GPBP1: variants seen among roughly 807,000 people sequenced by gnomAD.
GPBP1 encodes vasculin.
A neutral mutation model predicts 56.5 loss-of-function variants in GPBP1; 13 were observed. That is an observed-to-expected ratio of 0.23 (90% CI 0.15 to 0.37). The LOEUF (loss-of-function observed/expected upper bound fraction) is 0.37, where lower values mean the gene tolerates loss of function less well. Among genes scored for constraint, GPBP1 ranks in the 10% least tolerant of loss-of-function variants. The probability of loss-of-function intolerance (pLI) is 1.00; values close to 1 mark genes in which losing one functional copy is unlikely to be tolerated. For synonymous variants in GPBP1, 204 were observed against 188.9 expected, an observed-to-expected ratio of 1.08 and a Z score of -0.66; for missense variants, 477 against 572.3, an observed-to-expected ratio of 0.83 and a Z score of 1.70.
At chr5:57,226,641 C>T (rs1023846955) in intron 3 of GPBP1, among the ~76,000 whole-genome samples, 5 of 146,770 alleles carry the variant, frequency 3.4e-5, no homozygotes, top group African/African-American at 1.3e-4. Flanking sequence ...CTCACTGCAG[C>T]CTCCGCCTGC....
chr5:57,196,088 C>T (rs1754737167), intron 2 of GPBP1, among the ~76,000 whole-genome samples: 1 of 150,154 alleles, frequency 6.7e-6, no homozygotes, highest in Admixed American at 6.7e-5. Flanking sequence ...TTTCCTTTTC[C>T]ATATGATGGT....
chr5:57,183,578 G>C (rs957442293), intron 2 of GPBP1, among the ~76,000 whole-genome samples: 4 of 152,008 alleles, frequency 2.6e-5, no homozygotes, highest in African/African-American at 9.7e-5. Flanking sequence ...TGGAATTTAA[G>C]ATGTCAGTGA....
chr5:57,230,661 G>A lies in GPBP1; in HGVS notation c.64-185G>A, dbSNP rs1273465425. On this transcript the variant is annotated intron_variant, in intron 3 of 11. Transcript: ENST00000506184. The stretch of plus-strand genomic sequence containing the variant: ...CACATGTGCTTGTTTCCATTAGATA[G>A]AAGAAAATGGACCATCGGTGAATCC... 1.1e-5 allele frequency: 7 copies of A among 616,054 alleles called. No individual in the cohort carries two copies. The Admixed American group carries it at 1.9e-4, about 17-fold the overall frequency. The allele number at this position is 616,054 out of a possible 1,614,324, so 38.2% of individuals were successfully genotyped here.
In GPBP1 at chr5:57,241,000, A is replaced by G. The variant is rs992913024; in HGVS notation, c.478+4968A>G. Among the ~76,000 whole-genome samples, 6 of 152,064 alleles carry G rather than the reference A, an allele frequency of 3.9e-5. No individual in the cohort carries two copies. The East Asian group carries it at 5.8e-4, about 15-fold the overall frequency. ...CATTGTTAAGGTTAAATTGTCTACT[A>G]TGTAAAAATATTTGGTCATGTCACA... On this transcript the variant is annotated intron_variant, in intron 6 of 11. Coordinates refer to ENST00000506184, the MANE Select transcript of GPBP1 (RefSeq NM_022913.4).
chr5:57,254,092 A>T (rs1260521847), intron 10 of GPBP1, among the ~76,000 whole-genome samples: 1 of 151,998 alleles, frequency 6.6e-6, no homozygotes, highest in Non-Finnish European at 1.5e-5. Context: ...TGCCTGGCTA[A>T]CTTCTGTATT....
At chr5:57,198,060 T>A (rs1347269657) in intron 2 of GPBP1, among the ~76,000 whole-genome samples, 3 of 152,194 alleles carry the variant, frequency 2.0e-5, no homozygotes, top group African/African-American at 7.2e-5. Flanking sequence ...GTCGTTGTTA[T>A]GTTTATGTGT....
chr5:57,175,499 G>GT lies in GPBP1; in HGVS notation c.-959_-958insT. 2.5e-6 allele frequency: 1 copy of GT among 398,402 alleles called. No individual in the cohort carries two copies. 24.7% of individuals were successfully genotyped at this position (398,402 alleles called of 1,614,324 possible). A position where few individuals can be genotyped will look rare whatever the true frequency, so the allele number is the denominator to read the frequency against. On this transcript the variant is annotated 5_prime_UTR_variant, in exon 2 of 12. Coordinates refer to ENST00000506184, the MANE Select transcript of GPBP1 (RefSeq NM_022913.4). Reference sequence around the variant, plus strand: ...TCATCATCTAGGTTTTGTGTAAAAGGCCCTGGATATTTTAAGTGGCCATTT... The same window carrying GT: ...TCATCATCTAGGTTTTGTGTAAAAGGTCCCTGGATATTTTAAGTGGCCATTT...
intron 2 of GPBP1, among the ~76,000 whole-genome samples, chr5:57,211,160 T>C (rs1755459120): frequency 7.3e-6 from 1 of 136,636 alleles, no homozygotes; most frequent in South Asian, 2.1e-4. Flanking sequence ...AATACTGCCT[T>C]TTTTTTTTTT....
At chr5:57,261,030 T>G in intron 10 of GPBP1, 150 bp from the exon 11 acceptor site, 1 of 501,100 alleles carries the variant, frequency 2.0e-6, no homozygotes, top group South Asian at 3.3e-5. Context: ...AGAAAGATAC[T>G]CAAAGCCTGA....
At chr5:57,193,849 A>G (rs1579988327) in intron 2 of GPBP1, among the ~76,000 whole-genome samples, 1 of 152,316 alleles carries the variant, frequency 6.6e-6, no homozygotes, top group Admixed American at 6.5e-5. Flanking sequence ...AGACTAAAAA[A>G]GATTTAAAAT....
intron 2 of GPBP1, among the ~76,000 whole-genome samples, chr5:57,204,722 A>G (rs1272655409): frequency 1.3e-5 from 2 of 152,188 alleles, no homozygotes; most frequent in East Asian, 3.9e-4. Flanking sequence ...TCAGGCACAC[A>G]ATATCAGTTT....
rs905039874 is a variant in GPBP1 at position 57,264,152 on chromosome 5, G to A, written c.*1400G>A. ...TTCCCACTGAGACTGATGGTGATGG[G>A]GAAATTAAAAACAACACACTAGCAC... is the stretch of plus-strand genomic sequence containing the variant. On this transcript the variant is annotated 3_prime_UTR_variant, in exon 12 of 12. Coordinates refer to ENST00000506184, the MANE Select transcript of GPBP1 (RefSeq NM_022913.4). 2 of 151,656 alleles carry A rather than the reference G, an allele frequency of 1.3e-5. No individual in the cohort carries two copies. Among genetic ancestry groups the A allele is most frequent in the African/African-American group, 4.8e-5 (2 of 41,272 alleles). The allele number at this position is 151,656 out of a possible 1,614,324, so 9.4% of individuals were successfully genotyped here. A position where few individuals can be genotyped will look rare whatever the true frequency, so the allele number is the denominator to read the frequency against.
At chr5:57,209,199 T>C (rs1755370302) in intron 2 of GPBP1, among the ~76,000 whole-genome samples, 1 of 152,214 alleles carries the variant, frequency 6.6e-6, no homozygotes, top group African/African-American at 2.4e-5. Context: ...TTTAATTAGC[T>C]CTAATACATA....
chr5:57,224,094 A>T (rs979493822), intron 3 of GPBP1, among the ~76,000 whole-genome samples: 7 of 151,628 alleles, frequency 4.6e-5, no homozygotes, highest in Non-Finnish European at 1.0e-4. Context: ...CGGCCTACCA[A>T]AGTGCTGGGA....
intron 2 of GPBP1, among the ~76,000 whole-genome samples, chr5:57,199,924 T>C (rs1754923353): frequency 6.6e-6 from 1 of 152,012 alleles, no homozygotes; most frequent in African/African-American, 2.4e-5. Context: ...AGTGGTTTTT[T>C]TTTTTCTTTT....
chr5:57,232,038 A>G (rs768314708), intron 5 of GPBP1, among the ~76,000 whole-genome samples: 2 of 151,984 alleles, frequency 1.3e-5, no homozygotes, highest in Non-Finnish European at 2.9e-5. Flanking sequence ...GTGGTGGTGG[A>G]ATTGAGACAG....
chr5:57,206,452 G>A (rs1755238395), intron 2 of GPBP1, among the ~76,000 whole-genome samples: 1 of 152,136 alleles, frequency 6.6e-6, no homozygotes, highest in African/African-American at 2.4e-5. Context: ...AGGCTGGAGT[G>A]TAGTAGCGCG....
intron 8 of GPBP1, among the ~76,000 whole-genome samples, chr5:57,247,598 C>A (rs1741153456): frequency 6.6e-6 from 1 of 152,068 alleles, no homozygotes; most frequent in Non-Finnish European, 1.5e-5. Context: ...GTGGGAGGAA[C>A]ACCTGAGCCT....
chr5:57,231,756 GTGACTC>G (rs1385685109), intron 5 of GPBP1, among the ~76,000 whole-genome samples: 2 of 152,154 alleles, frequency 1.3e-5, no homozygotes, highest in African/African-American at 4.8e-5. Flanking sequence ...GTATATATGA[GTGACTC>G]TGAGTCAGCT....
Sources: allele counts gnomAD v4.1 joint callset (sites outside exome capture counted in the v4.1 genomes callset), GRCh38; gene constraint gnomAD v4.1.1; transcripts MANE v1.5; gene names NCBI Gene and HGNC (gene_info 2026-07-23, HGNC 2026-07-21).